The following STRBP variants were observed in gnomAD, a reference collection of about 807,000 sequenced individuals.
STRBP encodes spermatid perinuclear RNA-binding protein.
In STRBP, 13 loss-of-function variants were observed where a neutral mutation model predicts 80.1. The ratio of observed to expected loss-of-function variants is 0.16; its 90% CI spans 0.11 to 0.26. The LOEUF is 0.26. Ranked by LOEUF, STRBP falls within the 10% of genes least tolerant of loss-of-function variation. The probability of loss-of-function intolerance (pLI) is 1.00; values close to 1 mark genes in which losing one functional copy is unlikely to be tolerated. For synonymous variants in STRBP, 284 were observed against 291.2 expected, an observed-to-expected ratio of 0.98 and a Z score of 0.25; for missense variants, 485 against 815.2, an observed-to-expected ratio of 0.59 and a Z score of 4.93.
intron 3 of STRBP, chr9:123,113,938 A>G (rs1255390408): frequency 1.2e-5 from 2 of 167,146 alleles, no homozygotes. Flanking sequence ...CAGAGACCAC[A>G]TGGTCCATAA....
At chr9:123,130,923 A>G (rs775508551) in intron 17 of STRBP, among the ~76,000 whole-genome samples, 18 of 151,984 alleles carry the variant, frequency 1.2e-4, no homozygotes, top group Non-Finnish European at 2.6e-4. Flanking sequence ...TCCAGTAGCA[A>G]TACTATCAAT....
intron 2 of STRBP, among the ~76,000 whole-genome samples, chr9:123,220,843 A>AG (rs2040044046): frequency 2.6e-5 from 4 of 152,254 alleles, no homozygotes; most frequent in Admixed American, 2.6e-4. Context: ...ACCAAGACTT[A>AG]GCAGGGTTAA....
At chr9:123,154,963 G>A (rs1196419135) in intron 11 of STRBP, among the ~76,000 whole-genome samples, 1 of 152,186 alleles carries the variant, frequency 6.6e-6, no homozygotes, top group Non-Finnish European at 1.5e-5. Context: ...ACGCTGATGA[G>A]AAGCATTCAG....
In STRBP at chr9:123,115,459, T is replaced by C. The variant is rs1207515695; in HGVS notation, c.*84+470A>G. 2.2e-6 allele frequency: 1 copy of C among 460,210 alleles called. No homozygotes were observed. Among genetic ancestry groups the C allele is most frequent in the Non-Finnish European group, 4.5e-6 (1 of 220,440 alleles). The allele number at this position is 460,210 out of a possible 1,614,324, so 28.5% of individuals were successfully genotyped here. Reference sequence around the variant, plus strand: ...CCTGCACAGAGGAGGACTCTCATTCTGTTCAAATCCTCTGCACCTCTTTCT... The same window carrying C: ...CCTGCACAGAGGAGGACTCTCATTCCGTTCAAATCCTCTGCACCTCTTTCT... On this transcript the variant is annotated intron_variant and NMD_transcript_variant, in intron 3 of 3. Coordinates refer to the STRBP transcript ENST00000471564. The surrounding 1 kb of genome is among the most constrained non-coding windows in gnomAD (Gnocchi z 5.0).
At chr9:123,259,982 C>A (rs554403359) in intron 1 of STRBP, among the ~76,000 whole-genome samples, 1 of 152,162 alleles carries the variant, frequency 6.6e-6, no homozygotes, top group African/African-American at 2.4e-5. Flanking sequence ...TTAAAAATCT[C>A]ACTAGAGTGG....
chr9:123,257,433 C>T (rs2041057696), intron 1 of STRBP, among the ~76,000 whole-genome samples: 1 of 152,070 alleles, frequency 6.6e-6, no homozygotes, highest in African/African-American at 2.4e-5. Flanking sequence ...CACACACACA[C>T]ACACAGACAC....
chr9:123,121,459 C>T (rs1464174627), downstream of STRBP: 1 of 152,138 alleles, frequency 6.6e-6, no homozygotes, highest in Non-Finnish European at 1.5e-5. Context: ...AATCTAGCTA[C>T]CTAACCTGGA....
intron 2 of STRBP, among the ~76,000 whole-genome samples, chr9:123,198,780 TAGAC>T (rs1277275990): frequency 3.3e-5 from 5 of 152,334 alleles, no homozygotes; most frequent in South Asian, 4.1e-4. Context: ...TAGTGAGAGA[TAGAC>T]AGTTTCATTC....
intron 2 of STRBP, among the ~76,000 whole-genome samples, chr9:123,232,786 T>C (rs2132583413): frequency 6.6e-6 from 1 of 152,324 alleles, no homozygotes; most frequent in African/African-American, 2.4e-5. Context: ...TGGTTCTTGG[T>C]TCCAGCCCTT....
chr9:123,194,988 C>T (rs2039045265), intron 2 of STRBP, among the ~76,000 whole-genome samples: 1 of 152,154 alleles, frequency 6.6e-6, no homozygotes, highest in Admixed American at 6.6e-5. Flanking sequence ...AGGTTTGAGA[C>T]TTTAAATACC....
At chr9:123,253,766 ACT>A (rs1393581973) in intron 1 of STRBP, among the ~76,000 whole-genome samples, 3 of 152,210 alleles carry the variant, frequency 2.0e-5, no homozygotes, top group East Asian at 1.9e-4. Flanking sequence ...TAAGAAGGAT[ACT>A]CTGTTTCTCA....
At chr9:123,193,276 T>C (rs1351979225) in intron 2 of STRBP, among the ~76,000 whole-genome samples, 2 of 152,200 alleles carry the variant, frequency 1.3e-5, no homozygotes, top group Non-Finnish European at 2.9e-5. Context: ...AGAATTTGAA[T>C]TCAACCCTAA....
At chr9:123,223,901 T>C (rs1233518979) in intron 2 of STRBP, among the ~76,000 whole-genome samples, 2 of 152,188 alleles carry the variant, frequency 1.3e-5, no homozygotes, top group Middle Eastern at 3.2e-3. Flanking sequence ...GTTTATTTTT[T>C]ACTTCTGACA....
intron 11 of STRBP, among the ~76,000 whole-genome samples, chr9:123,153,591 G>T (rs181316894): frequency 8.9e-4 from 136 of 152,294 alleles, no homozygotes; most frequent in African/African-American, 2.9e-3. Flanking sequence ...CTGAGCAAAC[G>T]GAGAGTTTCC....
At chr9:123,188,305 T>C (rs1588069345) in intron 2 of STRBP, among the ~76,000 whole-genome samples, 1 of 152,184 alleles carries the variant, frequency 6.6e-6, no homozygotes, top group Non-Finnish European at 1.5e-5. Flanking sequence ...TTGGCAATTA[T>C]GAATAAATTC....
intron 2 of STRBP, among the ~76,000 whole-genome samples, chr9:123,186,887 AAACT>A (rs2038721114): frequency 6.6e-6 from 1 of 151,798 alleles, no homozygotes; most frequent in East Asian, 1.9e-4. Flanking sequence ...ATTTTTTTAA[AAACT>A]AACTTTGCTA....
At chr9:123,160,924 A>G in intron 7 of STRBP, 53 bp downstream of exon 7, 5 of 1,470,868 alleles carry the variant, frequency 3.4e-6, no homozygotes, top group Non-Finnish European at 4.6e-6. Context: ...CAGGTGTTCC[A>G]AATGAAACTT....
intron 6 of STRBP, among the ~76,000 whole-genome samples, chr9:123,168,626 G>A (rs1249411998): frequency 6.6e-6 from 1 of 152,190 alleles, no homozygotes; most frequent in Non-Finnish European, 1.5e-5. Flanking sequence ...TTTCAGGTAA[G>A]GGAGTAAGCA....
At chr9:123,181,576 C>G (rs2038458704) in intron 3 of STRBP, among the ~76,000 whole-genome samples, 1 of 151,616 alleles carries the variant, frequency 6.6e-6, no homozygotes, top group African/African-American at 2.4e-5. Context: ...GCAGGCGGAT[C>G]ACCTGAGGTC....
Sources: gnomAD v4.1 joint callset for allele counts (sites outside exome capture counted in the v4.1 genomes callset) on GRCh38, gnomAD v4.1.1 for gene constraint, Gnocchi (gnomAD v3.1) non-coding constraint, MANE v1.5 for transcripts, NCBI Gene and HGNC (gene_info 2026-07-23, HGNC 2026-07-21) for gene names.